DST: variants seen among roughly 807,000 people sequenced by gnomAD.
DST encodes the protein bullous pemphigoid antigen.
DST carries 253 observed loss-of-function variants against 875.2 expected under a neutral mutation model. The observed-to-expected ratio is 0.29, with a 90% CI of 0.26 to 0.32. The LOEUF is 0.32. Among genes scored for constraint, DST ranks in the 10% least tolerant of loss-of-function variants. The pLI is 1.00. For synonymous variants in DST, 3,124 were observed against 3,197.1 expected (o/e 0.98, Z 0.77); for missense variants, 8,287 against 9,111.6 (o/e 0.91, Z 3.68).
intron 55 of DST, among the ~76,000 whole-genome samples, chr6:56,567,239 T>C (rs967493582): frequency 6.6e-6 from 1 of 152,154 alleles, no homozygotes; most frequent in African/African-American, 2.4e-5. Flanking sequence ...CTATCGGCTA[T>C]GTATCCAAAA....
chr6:56,482,649 C>T, intron 89 of DST, 34 bp downstream of exon 89: 1 of 1,588,412 alleles, frequency 6.3e-7, no homozygotes, highest in Non-Finnish European at 8.6e-7. Context: ...ATACTTTTCC[C>T]ATTACACCCA....
At chr6:56,675,517 T>C (rs1354549950) in intron 9 of DST, among the ~76,000 whole-genome samples, 1 of 152,204 alleles carries the variant, frequency 6.6e-6, no homozygotes, top group African/African-American at 2.4e-5. Context: ...AACGAGTTAA[T>C]ATCCAAAATA....
chr6:56,706,970 A>G lies in DST; in HGVS notation c.688-2601T>C, dbSNP rs144466794. 8.7e-4 allele frequency among the ~76,000 whole-genome samples: 132 copies of G among 152,330 alleles called. 2 individuals are homozygous for G. Among genetic ancestry groups the G allele is most frequent in the African/African-American group, 2.6e-3 (109 of 41,580 alleles). On this transcript the variant is annotated intron_variant, in intron 5 of 103. Transcript: ENST00000680361. Reference sequence around the variant, plus strand: ...CAGTGAGCCGAGATCATGCCACTGCACTCTAGCCTGGGCAACAGAGTGAGA... The same window carrying G: ...CAGTGAGCCGAGATCATGCCACTGCGCTCTAGCCTGGGCAACAGAGTGAGA...
rs983436484 is a variant in DST at position 56,470,157 on chromosome 6, T to C, written c.22447A>G (p.Ile7483Val). The change falls in exon 96 of 104, where the codon ATC (isoleucine) becomes GTC (valine). Residue 7483 changes from isoleucine to valine, a missense_variant. Ile to Val is a conservative substitution (Grantham distance 29). Coordinates refer to ENST00000680361, the MANE Select transcript of DST (RefSeq NM_001374736.1). ...TCTTCGATTTTGTCGGCATCTGTGA[T>C]AGGTTTATATGCATCTTTATTTGGG... ...LHPNKDAYKP[I>V]TDADKIEDEV... 1.2e-6 allele frequency: 2 copies of C among 1,612,826 alleles called. No individual in the cohort carries two copies. The highest frequency in any genetic ancestry group is 1.7e-6 in the Non-Finnish European group (2 of 1,179,366).
intron 73 of DST, among the ~76,000 whole-genome samples, chr6:56,510,455 T>C (rs915866892): frequency 6.6e-6 from 1 of 152,198 alleles, no homozygotes; most frequent in Non-Finnish European, 1.5e-5. Flanking sequence ...ACTTCTGATA[T>C]AACAGAAGTT....
chr6:56,668,593 A>C (rs887347324), intron 10 of DST, among the ~76,000 whole-genome samples: 2 of 151,464 alleles, frequency 1.3e-5, no homozygotes, highest in African/African-American at 4.9e-5. Flanking sequence ...AATAAATAAA[A>C]AAAAATTTTA....
In DST at chr6:56,606,382, C is replaced by T. The variant is rs145940323; in HGVS notation, c.8246G>A (p.Gly2749Glu). 9.5e-5 allele frequency: 153 copies of T among 1,613,356 alleles called. No individual in the cohort carries two copies. The African/African-American group carries it at 1.7e-3, about 18-fold the overall frequency. The change falls in exon 40 of 104, where the codon GGA (glycine) becomes GAA (glutamate). Residue 2749 changes from glycine (G) to glutamate (E), a missense_variant. Physicochemically the swap from Gly to Glu is moderately conservative, Grantham distance 98. Around this residue, in one of 10 missense-constraint regions of DST, gnomAD observed 3,138 missense variants for 3,116.6 expected, o/e 1.01. Transcript: ENST00000680361. The stretch of plus-strand genomic sequence containing the variant: ...TAATGATGCAGTGAAGCTCTCTTTT[C>T]CTCCTACAATATCATAATCAGTCAA... ...DSLTDYDIVG[G>E]KESFTASLKF...
At chr6:56,941,786 G>A (rs533510608) in intron 2 of DST, among the ~76,000 whole-genome samples, 2 of 152,270 alleles carry the variant, frequency 1.3e-5, no homozygotes, top group African/African-American at 4.8e-5. Context: ...TGGCCAATGA[G>A]TGTGGTGTTT....
At chr6:56,533,076 T>C (rs1051375908) in intron 63 of DST, among the ~76,000 whole-genome samples, 10 of 152,308 alleles carry the variant, frequency 6.6e-5, no homozygotes, top group African/African-American at 2.4e-4. Flanking sequence ...TGTGTGAGGC[T>C]GCAAACTAAA....
chr6:56,522,251 T>G (rs772879977), intron 69 of DST, among the ~76,000 whole-genome samples: 13 of 152,072 alleles, frequency 8.5e-5, no homozygotes, highest in Admixed American at 3.9e-4. Context: ...ATTTCCAGCT[T>G]AGAAAAATGA....
At chr6:56,587,842 T>G (rs908738147) in intron 49 of DST, among the ~76,000 whole-genome samples, 6 of 151,824 alleles carry the variant, frequency 4.0e-5, no homozygotes, top group African/African-American at 1.5e-4. Context: ...AATAAAATAC[T>G]TTACAGACAA....
At chr6:56,747,572 C>T (rs1406909084) in intron 4 of DST, among the ~76,000 whole-genome samples, 1 of 152,200 alleles carries the variant, frequency 6.6e-6, no homozygotes, top group Non-Finnish European at 1.5e-5. Context: ...TATATATAAT[C>T]TAACTTCTGC....
chr6:56,590,975 A>T (rs1263154398), intron 49 of DST, among the ~76,000 whole-genome samples: 1 of 152,350 alleles, frequency 6.6e-6, no homozygotes, highest in East Asian at 1.9e-4. Flanking sequence ...TAACAGCACA[A>T]TTTTTCGACT....
intron 4 of DST, among the ~76,000 whole-genome samples, chr6:56,796,710 T>C (rs1447084410): frequency 6.6e-6 from 1 of 151,160 alleles, no homozygotes; most frequent in Non-Finnish European, 1.5e-5. Context: ...ACATAAACAA[T>C]CTGATTAAAA....
chr6:56,823,082 C>T (rs186484980), intron 4 of DST, among the ~76,000 whole-genome samples: 73 of 152,206 alleles, frequency 4.8e-4, no homozygotes, highest in African/African-American at 1.7e-3. Flanking sequence ...ATCCACCTGC[C>T]TCGACCTCCC....
chr6:56,670,153 T>C (rs1174596454), intron 10 of DST, among the ~76,000 whole-genome samples: 1 of 151,774 alleles, frequency 6.6e-6, no homozygotes, highest in Non-Finnish European at 1.5e-5. Context: ...TGTGTGTGTG[T>C]GTGTGTGTGT....
intron 50 of DST, 34 bp from the exon 51 acceptor site, chr6:56,573,921 A>G (rs1291770321): frequency 6.6e-7 from 1 of 1,511,780 alleles, no homozygotes; most frequent in South Asian, 1.2e-5. Context: ...TTAACCACAA[A>G]GTTCTCTTTG....
chr6:56,902,420 AGT>A (rs1794536576), intron 2 of DST, among the ~76,000 whole-genome samples: 1 of 152,240 alleles, frequency 6.6e-6, no homozygotes, highest in South Asian at 2.1e-4. Context: ...AAATGTGTAC[AGT>A]GGGATTCTCA....
intron 4 of DST, among the ~76,000 whole-genome samples, chr6:56,818,780 G>A (rs2099769615): frequency 3.3e-5 from 5 of 152,132 alleles, no homozygotes; most frequent in Admixed American, 3.3e-4. Flanking sequence ...AAAGTACTCT[G>A]ATATGTAAAC....
Sources: allele counts gnomAD v4.1 joint callset (sites outside exome capture counted in the v4.1 genomes callset), GRCh38; gene constraint gnomAD v4.1.1; regional missense constraint gnomAD v4.1.1; transcripts MANE v1.5; gene names NCBI Gene and HGNC (gene_info 2026-07-23, HGNC 2026-07-21).